The following CTBP2 variants were observed in gnomAD, a reference collection of about 807,000 sequenced individuals.
The protein encoded by CTBP2 is C-terminal binding protein 2.
A neutral mutation model predicts 80.3 loss-of-function variants in CTBP2; 30 were observed. The observed-to-expected ratio is 0.37, with a 90% CI of 0.28 to 0.51. The LOEUF (loss-of-function observed/expected upper bound fraction) is 0.51. Among genes scored for constraint, CTBP2 ranks in the 20% least tolerant of loss-of-function variants. The pLI, the probability that CTBP2 is intolerant of heterozygous loss-of-function variation, is 0.93. For synonymous variants in CTBP2, 594 were observed against 587.4 expected, an observed-to-expected ratio of 1.01 and a Z score of -0.16; for missense variants, 1,212 against 1,375.3, an observed-to-expected ratio of 0.88 and a Z score of 1.88.
At chr10:125,136,857 C>G (rs989544434) in intron 1 of CTBP2, among the ~76,000 whole-genome samples, 1 of 152,190 alleles carries the variant, frequency 6.6e-6, no homozygotes, top group Non-Finnish European at 1.5e-5. Flanking sequence ...AACATTCTCC[C>G]AAAATGGTAA....
At chr10:125,045,336 G>C (rs1040899542) in intron 2 of CTBP2, among the ~76,000 whole-genome samples, 1 of 152,140 alleles carries the variant, frequency 6.6e-6, no homozygotes, top group African/African-American at 2.4e-5. Context: ...CCCGAACTAA[G>C]ACAATGGCCA....
intron 2 of CTBP2, among the ~76,000 whole-genome samples, chr10:125,097,374 G>A (rs1320459126): frequency 6.6e-6 from 1 of 152,200 alleles, no homozygotes; most frequent in African/African-American, 2.4e-5. Context: ...GAAAGCAGCA[G>A]CACAGTCTAA....
At chr10:125,109,645 G>A (rs1326336727) in intron 2 of CTBP2, among the ~76,000 whole-genome samples, 1 of 152,172 alleles carries the variant, frequency 6.6e-6, no homozygotes, top group Non-Finnish European at 1.5e-5. Context: ...ATGACTGAGG[G>A]GCCCCTCTCA....
chr10:125,108,379 A>G (rs377714596), intron 2 of CTBP2, among the ~76,000 whole-genome samples: 2 of 152,370 alleles, frequency 1.3e-5, no homozygotes, highest in East Asian at 3.8e-4. Context: ...GGCCTCACGG[A>G]TTCACCATTA....
intron 1 of CTBP2, among the ~76,000 whole-genome samples, chr10:125,020,455 C>T (rs550860781): frequency 6.6e-6 from 1 of 152,318 alleles, no homozygotes; most frequent in Non-Finnish European, 1.5e-5. Context: ...AGACAGAACG[C>T]CCCTGTAGAC....
At chr10:125,123,160 G>A (rs1389964847) in intron 1 of CTBP2, among the ~76,000 whole-genome samples, 2 of 152,166 alleles carry the variant, frequency 1.3e-5, no homozygotes, top group Non-Finnish European at 2.9e-5. Flanking sequence ...CATGTGTGTC[G>A]ACCATGTGCT....
chr10:124,998,028 C>T lies in CTBP2; in HGVS notation c.2121G>A (p.Gln707=), dbSNP rs771922745. ...CCGCTCCCGAGGCCACCTCGCGGATCTGCTCCACGCTCTGAACCCGCGTGC... is the reference window on the plus strand; with the variant it reads ...CCGCTCCCGAGGCCACCTCGCGGATTTGCTCCACGCTCTGAACCCGCGTGC... The change falls in exon 4 of 9, where the codon CAG becomes CAA. Residue 707 remains glutamine, a synonymous_variant. Coordinates refer to ENST00000309035, the MANE Select transcript of CTBP2 (RefSeq NM_022802.3). 58 of 1,613,262 alleles carry T rather than the reference C, an allele frequency of 3.6e-5. No homozygotes were observed. Among genetic ancestry groups the T allele is most frequent in the Non-Finnish European group, 4.5e-5 (53 of 1,180,018 alleles).
rs79974057 is a variant in CTBP2, at chr10:125,039,745, C to T, written c.-101-590G>A. 4.6e-3 allele frequency among the ~76,000 whole-genome samples: 707 copies of T among 152,322 alleles called. 5 individuals are homozygous for T. Among genetic ancestry groups the T allele is most frequent in the African/African-American group, 0.016 (684 of 41,572 alleles). ...CTCCTAACCAACGTTCCTCCGATGCCGCCTTCCTGAACCTTCCTTGCAGCT... is the reference window on the plus strand; with the variant it reads ...CTCCTAACCAACGTTCCTCCGATGCTGCCTTCCTGAACCTTCCTTGCAGCT... On this transcript the variant is annotated intron_variant, in intron 2 of 10. Transcript: ENST00000337195.
intron 3 of CTBP2, chr10:124,998,451 A>G (rs1953965478): frequency 2.1e-6 from 1 of 471,992 alleles, no homozygotes; most frequent in Admixed American, 3.5e-5. Context: ...TTTGGGCCTG[A>G]CTGGCTTCCT....
chr10:125,021,554 G>GC (rs1957038184), intron 1 of CTBP2, among the ~76,000 whole-genome samples: 1 of 152,082 alleles, frequency 6.6e-6, no homozygotes, highest in Non-Finnish European at 1.5e-5. Flanking sequence ...TGGTAAGGGG[G>GC]CACAACCAAG....
Position 125,026,429 on chromosome 10 carries a change from G to A in CTBP2, c.1331C>T (p.Pro444Leu). The change falls in exon 1 of 9, where the codon CCT becomes CTT. Residue 444 changes from proline to leucine, a missense_variant. Transcript: ENST00000309035. ...GCTCAGACGCGCTGTCAGGGCGCAA[G>A]GGGTGGGAGAGCTGTACCCGGAGTT... 1.2e-6 allele frequency: 2 copies of A among 1,603,622 alleles called. No homozygotes were observed. The highest frequency in any genetic ancestry group is 1.7e-6 in the Non-Finnish European group (2 of 1,172,484).
chr10:125,150,620 T>A (rs1040897624), intron 1 of CTBP2, among the ~76,000 whole-genome samples: 2 of 151,710 alleles, frequency 1.3e-5, no homozygotes, highest in Non-Finnish European at 2.9e-5. Flanking sequence ...TGACTCTTCA[T>A]TGGTAAAACA....
At chr10:124,995,806 C>CTT (rs1399747316) in intron 4 of CTBP2, among the ~76,000 whole-genome samples, 1 of 152,122 alleles carries the variant, frequency 6.6e-6, no homozygotes, top group Non-Finnish European at 1.5e-5. Context: ...AGATGGCTCT[C>CTT]TGACGCACTG....
In CTBP2 at chr10:125,001,586, A is replaced by C. The variant is rs562675652; in HGVS notation, c.1978+1374T>G. 4 of 152,168 alleles carry C rather than the reference A, an allele frequency of 2.6e-5. No homozygotes were observed. The South Asian group carries it at 8.3e-4, about 32-fold the overall frequency. The allele number at this position is 152,168 out of a possible 1,614,324, so 9.4% of individuals were successfully genotyped here. On this transcript the variant is annotated intron_variant, in intron 3 of 8. Coordinates refer to ENST00000309035, the MANE Select transcript of CTBP2 (RefSeq NM_022802.3). ...GGGGTGTGGGGAGGGTGAGGGGTGG[A>C]TGTGTGAAGCTGCTGCTTCCAGGAC...
rs1412085893 is a variant in CTBP2, at chr10:125,038,898, T to G, written c.58+99A>C. 7.5e-6 allele frequency: 9 copies of G among 1,196,206 alleles called. No homozygotes were observed. The South Asian group carries it at 1.2e-4, about 16-fold the overall frequency. The allele number at this position is 1,196,206 out of a possible 1,614,324, so 74.1% of individuals were successfully genotyped here. On this transcript the variant is annotated intron_variant, in intron 3 of 10. Transcript: ENST00000337195. ...AGTGTTGGAATCGGAGGAGGGACTC[T>G]GGCTTGGGGAGTGGCACAGCCAACT... is the stretch of plus-strand genomic sequence containing the variant.
chr10:125,160,795 C>T (rs1177230002), upstream of CTBP2: 1 of 139,886 alleles, frequency 7.1e-6, no homozygotes, highest in African/African-American at 2.7e-5. Context: ...GCTGGGGGTC[C>T]CCGGCCCGGG....
intron 1 of CTBP2, among the ~76,000 whole-genome samples, chr10:125,145,335 CA>C (rs1415935735): frequency 6.6e-6 from 1 of 152,100 alleles, no homozygotes; most frequent in Non-Finnish European, 1.5e-5. Context: ...GACTCCTGGC[CA>C]GGGGTGCCTT....
chr10:125,131,309 C>T (rs989669523), intron 1 of CTBP2, among the ~76,000 whole-genome samples: 2 of 152,150 alleles, frequency 1.3e-5, no homozygotes, highest in African/African-American at 2.4e-5. Flanking sequence ...TTTTACAGCC[C>T]GACTTGCTTC....
chr10:125,051,802 C>T (rs925742363), intron 2 of CTBP2, among the ~76,000 whole-genome samples: 4 of 152,052 alleles, frequency 2.6e-5, no homozygotes, highest in Admixed American at 6.5e-5. Context: ...AAGATAAGGT[C>T]GTTACAGCGG....
Sources: gnomAD v4.1 joint callset for allele counts (sites outside exome capture counted in the v4.1 genomes callset) on GRCh38, gnomAD v4.1.1 for gene constraint, MANE v1.5 for transcripts, NCBI Gene and HGNC (gene_info 2026-07-23, HGNC 2026-07-21) for gene names.